The following ASIC2 variants were observed in gnomAD, a reference collection of about 807,000 sequenced individuals.
ASIC2 encodes the protein acid sensing ion channel subunit 2, also known as acid-sensing ion channel 2.
A neutral mutation model predicts 57.3 loss-of-function variants in ASIC2; 25 were observed. That is an observed-to-expected ratio of 0.44 (90% CI 0.32 to 0.61). The LOEUF (loss-of-function observed/expected upper bound fraction) is 0.61, where lower values mean the gene tolerates loss of function less well. Among genes scored for constraint, ASIC2 ranks in the 20% least tolerant of loss-of-function variants. The pLI is 0.06. For synonymous variants in ASIC2, 319 were observed against 307.5 expected (o/e 1.04, Z -0.39); for missense variants, 641 against 738.1 (o/e 0.87, Z 1.52).
chr17:33,186,730 C>T (rs1246177568), intron 1 of ASIC2, among the ~76,000 whole-genome samples: 1 of 152,180 alleles, frequency 6.6e-6, no homozygotes, highest in East Asian at 1.9e-4. Flanking sequence ...AGCTGATCCT[C>T]TTACAACTAC....
chr17:34,111,390 C>T (rs973407986), intron 1 of ASIC2, among the ~76,000 whole-genome samples: 6 of 150,914 alleles, frequency 4.0e-5, no homozygotes, highest in African/African-American at 1.5e-4. Flanking sequence ...CAAAACAGTA[C>T]TTTTATACAT....
intron 1 of ASIC2, among the ~76,000 whole-genome samples, chr17:33,626,275 G>C (rs1003838310): frequency 3.3e-5 from 5 of 152,146 alleles, no homozygotes; most frequent in African/African-American, 1.2e-4. Context: ...GTCGTGCAAA[G>C]ATGTGAGTCC....
At chr17:33,680,755 C>T (rs1907975858) in intron 1 of ASIC2, 1 of 152,230 alleles carries the variant, frequency 6.6e-6, no homozygotes, top group East Asian at 1.9e-4. Context: ...GCCAATGAGG[C>T]CTGAGCTCAG....
chr17:33,809,936 C>T (rs532326304), intron 1 of ASIC2, among the ~76,000 whole-genome samples: 2 of 152,336 alleles, frequency 1.3e-5, no homozygotes, highest in Non-Finnish European at 2.9e-5. Context: ...GGAAACTGAG[C>T]TATCTCCACC....
intron 1 of ASIC2, among the ~76,000 whole-genome samples, chr17:33,842,643 G>A (rs946445549): frequency 1.3e-5 from 2 of 152,176 alleles, no homozygotes; most frequent in African/African-American, 2.4e-5. Context: ...TAGGAAGGAG[G>A]AGGTGATTGT....
At chr17:33,464,540 C>CTTTT (rs59312185) in intron 1 of ASIC2, among the ~76,000 whole-genome samples, 1 of 49,368 alleles carries the variant, frequency 2.0e-5, no homozygotes, top group African/African-American at 8.0e-5. Context: ...TTCTTTCTTT[C>CTTTT]TCTTTCTTTC....
intron 1 of ASIC2, among the ~76,000 whole-genome samples, chr17:33,509,688 A>G (rs1367780465): frequency 6.6e-6 from 1 of 152,254 alleles, no homozygotes; most frequent in African/African-American, 2.4e-5. Context: ...GATGTAGCCT[A>G]TGGGGCTGGT....
At chr17:34,121,697 C>T (rs1470972890) in intron 1 of ASIC2, among the ~76,000 whole-genome samples, 1 of 152,210 alleles carries the variant, frequency 6.6e-6, no homozygotes, top group Admixed American at 6.5e-5. Flanking sequence ...CAAGATACTT[C>T]ATGATGAAGG....
intron 1 of ASIC2, among the ~76,000 whole-genome samples, chr17:33,884,799 A>G (rs7210313): frequency 0.61 from 92,186 of 151,874 alleles, 28,118 homozygotes; most frequent in South Asian, 0.67. Flanking sequence ...CCCAAAGAAT[A>G]TAATCAAACT....
chr17:33,698,225 G>A (rs1039265931), intron 1 of ASIC2, among the ~76,000 whole-genome samples: 10 of 152,060 alleles, frequency 6.6e-5, no homozygotes, highest in East Asian at 1.9e-4. Flanking sequence ...ATAGTGTAGC[G>A]GTTAAGTGTG....
intron 1 of ASIC2, among the ~76,000 whole-genome samples, chr17:33,418,942 G>A (rs901627127): frequency 6.0e-5 from 9 of 150,982 alleles, no homozygotes; most frequent in East Asian, 1.9e-4. Flanking sequence ...ATCACACACC[G>A]GGGCCTGTCA....
At chr17:33,083,888 C>T (rs2092123971) in intron 3 of ASIC2, among the ~76,000 whole-genome samples, 1 of 152,006 alleles carries the variant, frequency 6.6e-6, no homozygotes, top group Admixed American at 6.5e-5. Flanking sequence ...GTGCTGTGAC[C>T]ACTGAGGATG....
At chr17:33,467,900 T>C (rs1245331678) in intron 1 of ASIC2, among the ~76,000 whole-genome samples, 1 of 152,240 alleles carries the variant, frequency 6.6e-6, no homozygotes, top group Non-Finnish European at 1.5e-5. Flanking sequence ...CCCTGAGGGC[T>C]GTGCATTGGC....
rs1344842942 is a variant in ASIC2 at position 33,926,801 on chromosome 17, G to T, written c.555+229177C>A. Among the ~76,000 whole-genome samples the T allele has an allele frequency of 2.6e-5, 4 of 152,206 alleles. No individual in the cohort carries two copies. In the South Asian group the frequency reaches 8.3e-4, roughly 32 times the overall value. On this transcript the variant is annotated intron_variant, in intron 1 of 9. Coordinates refer to the ASIC2 transcript ENST00000359872. ...TTAAGCAAGAGCAATAGCAAACAAT[G>T]GCAGGCTGATTACCTGCCACTGTGT...
At chr17:33,722,461 A>T (rs1026175119) in intron 1 of ASIC2, among the ~76,000 whole-genome samples, 1 of 152,224 alleles carries the variant, frequency 6.6e-6, no homozygotes, top group Non-Finnish European at 1.5e-5. Context: ...TTCCGCAAGT[A>T]ATTTATAGAA....
chr17:33,505,948 GAA>G (rs35203169), intron 1 of ASIC2, among the ~76,000 whole-genome samples: 58 of 152,112 alleles, frequency 3.8e-4, no homozygotes, highest in African/African-American at 1.4e-3. Context: ...CAAGCTCCTT[GAA>G]AAAAGGGATT....
At chr17:33,263,391 T>C (rs1314583529) in intron 1 of ASIC2, among the ~76,000 whole-genome samples, 2 of 152,220 alleles carry the variant, frequency 1.3e-5, no homozygotes, top group Non-Finnish European at 2.9e-5. Context: ...TTTTGATTAG[T>C]AAACCAAGCT....
chr17:33,829,606 T>A (rs1913044537), intron 1 of ASIC2, among the ~76,000 whole-genome samples: 1 of 150,880 alleles, frequency 6.6e-6, no homozygotes, highest in Non-Finnish European at 1.5e-5. Context: ...AGATGGAGTC[T>A]CACTCTGTCA....
intron 1 of ASIC2, among the ~76,000 whole-genome samples, chr17:33,879,004 G>A (rs1040277845): frequency 1.1e-4 from 17 of 152,146 alleles, no homozygotes; most frequent in Non-Finnish European, 1.8e-4. Context: ...ATCCAGCCAA[G>A]CTAAGCTTCA....
Sources: gnomAD v4.1 joint callset for allele counts (sites outside exome capture counted in the v4.1 genomes callset) on GRCh38, gnomAD v4.1.1 for gene constraint, MANE v1.5 for transcripts, NCBI Gene and HGNC (gene_info 2026-07-23, HGNC 2026-07-21) for gene names.